CSMD1: variants seen among roughly 807,000 people sequenced by gnomAD.
CSMD1 encodes the protein CUB and Sushi multiple domains 1, also known as CUB and sushi domain-containing protein 1.
CSMD1 carries 213 observed loss-of-function variants against 417.5 expected under a neutral mutation model. That is an observed-to-expected ratio of 0.51 (90% confidence interval 0.46 to 0.57). The LOEUF (loss-of-function observed/expected upper bound fraction) is 0.57. Among genes scored for constraint, CSMD1 ranks in the 20% least tolerant of loss-of-function variants. CSMD1 has a pLI of 0.00. For synonymous variants in CSMD1, 2,862 were observed against 1,736.8 expected (o/e 1.65, Z -16.11); for missense variants, 6,923 against 4,529.7 (o/e 1.53, Z -15.17).
chr8:4,078,417 C>G (rs1306989465), intron 3 of CSMD1, among the ~76,000 whole-genome samples: 2 of 150,518 alleles, frequency 1.3e-5, no homozygotes, highest in African/African-American at 2.5e-5. Flanking sequence ...CGGGTTCACG[C>G]CATTCTCCTG....
rs542443462 is a variant in CSMD1 at position 4,849,387 on chromosome 8, T to A, written c.85+144945A>T. Among the ~76,000 whole-genome samples the A allele has an allele frequency of 7.9e-5, 12 of 152,116 alleles. No individual in the cohort carries two copies. In the South Asian group the frequency reaches 2.3e-3, roughly 29 times the overall value. On this transcript the variant is annotated intron_variant, in intron 1 of 69. Coordinates refer to ENST00000635120, the MANE Select transcript of CSMD1 (RefSeq NM_033225.6). ...GAAGTTAATTTTTTTCTTTATTCAA[T>A]AGAATAAAGAAAAAAATACTTTTTG...
chr8:3,719,719 A>C (rs577045433), intron 6 of CSMD1, among the ~76,000 whole-genome samples: 1 of 152,210 alleles, frequency 6.6e-6, no homozygotes, highest in Non-Finnish European at 1.5e-5. Context: ...CATACCAGCC[A>C]CATATTATGT....
chr8:4,981,529 C>T (rs1267025848), intron 1 of CSMD1, among the ~76,000 whole-genome samples: 1 of 152,224 alleles, frequency 6.6e-6, no homozygotes, highest in African/African-American at 2.4e-5. Context: ...GCACTGCTTT[C>T]AATCAATTAT....
At chr8:3,240,227 G>T (rs972265936) in intron 26 of CSMD1, among the ~76,000 whole-genome samples, 1 of 152,100 alleles carries the variant, frequency 6.6e-6, no homozygotes, top group East Asian at 1.9e-4. Context: ...TAATGAAAAA[G>T]GTTGGGATGA....
intron 26 of CSMD1, among the ~76,000 whole-genome samples, chr8:3,283,362 A>G (rs1449954261): frequency 6.6e-6 from 1 of 152,148 alleles, no homozygotes; most frequent in Non-Finnish European, 1.5e-5. Flanking sequence ...TAGGCTCTAC[A>G]TTTATGTAGA....
At chr8:4,339,960 G>A (rs369675217) in intron 3 of CSMD1, among the ~76,000 whole-genome samples, 7 of 152,054 alleles carry the variant, frequency 4.6e-5, no homozygotes, top group South Asian at 2.1e-4. Flanking sequence ...ATAAGTTGGA[G>A]GTTCAGTGAG....
chr8:3,420,827 G>C (rs892196028), intron 12 of CSMD1, among the ~76,000 whole-genome samples: 3 of 152,106 alleles, frequency 2.0e-5, no homozygotes, highest in African/African-American at 7.2e-5. Context: ...AACACATAAA[G>C]ATGGTACTTG....
intron 1 of CSMD1, among the ~76,000 whole-genome samples, chr8:4,726,253 C>T (rs982221216): frequency 5.9e-5 from 9 of 151,878 alleles, no homozygotes; most frequent in African/African-American, 2.2e-4. Flanking sequence ...TGTGTTTCTA[C>T]AGCCTTGCCC....
intron 2 of CSMD1, among the ~76,000 whole-genome samples, chr8:4,537,402 G>C (rs1797154122): frequency 6.6e-6 from 1 of 152,046 alleles, no homozygotes; most frequent in Non-Finnish European, 1.5e-5. Context: ...ATTGCATATA[G>C]CTTTTCTGTT....
In CSMD1 at chr8:3,794,996, GTATAGCTATAAATACATATCTATCATA is replaced by G. The variant is rs755623074; in HGVS notation, c.819-40981_819-40955del. ...CTATAGATATATATCTATCTATCAT[GTATAGCTATAAATACATATCTATCATA>G]TATAGCTATAGATACATATCTATCA... On this transcript the variant is annotated intron_variant, in intron 5 of 69. Transcript: ENST00000635120. 4.8e-4 allele frequency among the ~76,000 whole-genome samples: 61 copies of G among 127,358 alleles called. 9 individuals are homozygous for G. The highest frequency in any genetic ancestry group is 3.2e-3 in the South Asian group (12 of 3,702). The allele number at this position is 127,358 out of a possible 152,430, so 83.6% of individuals were successfully genotyped here.
intron 23 of CSMD1, among the ~76,000 whole-genome samples, chr8:3,319,609 A>G (rs1488678095): frequency 1.3e-5 from 2 of 152,352 alleles, no homozygotes; most frequent in East Asian, 3.9e-4. Context: ...TTTAAAAAGA[A>G]ACATGAGAGT....
chr8:3,899,609 A>AT (rs1807595689), intron 5 of CSMD1, among the ~76,000 whole-genome samples: 1 of 152,222 alleles, frequency 6.6e-6, no homozygotes, highest in South Asian at 2.1e-4. Context: ...TAGCTCCAAC[A>AT]TAAGTATGTA....
At chr8:3,923,907 C>A (rs1809457652) in intron 5 of CSMD1, among the ~76,000 whole-genome samples, 2 of 152,162 alleles carry the variant, frequency 1.3e-5, no homozygotes, top group African/African-American at 2.4e-5. Flanking sequence ...ATATATTGTC[C>A]TTTAAATTTC....
intron 5 of CSMD1, chr8:3,949,867 C>G (rs934932916): frequency 4.4e-6 from 2 of 455,290 alleles, no homozygotes; most frequent in African/African-American, 4.0e-5. Context: ...ACATGGCCTC[C>G]TCATTCAGCC....
rs188926004 is a variant in CSMD1 at position 3,933,218 on chromosome 8, G to C, written c.818+64685C>G. On this transcript the variant is annotated intron_variant, in intron 5 of 69. Coordinates refer to ENST00000635120, the MANE Select transcript of CSMD1 (RefSeq NM_033225.6). ...TTTTTCCAAAACAATTTCTTGTTAAGTAGAAAAGGAGAAGAAACAAGATTT... is the reference window on the plus strand; with the variant it reads ...TTTTTCCAAAACAATTTCTTGTTAACTAGAAAAGGAGAAGAAACAAGATTT... Among the ~76,000 whole-genome samples the C allele has an allele frequency of 1.1e-3, 145 of 135,810 alleles. 5 individuals carry two copies. Among genetic ancestry groups the C allele is most frequent in the African/African-American group, 3.7e-3 (135 of 36,368 alleles). 89.1% of individuals were successfully genotyped at this position (135,810 alleles called of 152,430 possible).
rs373437762 is a variant in CSMD1, at chr8:4,573,966, C to T, written c.302+63376G>A. Among the ~76,000 whole-genome samples, 12 of 152,262 alleles carry T rather than the reference C, an allele frequency of 7.9e-5. No homozygotes were observed. The East Asian group carries it at 1.7e-3, about 22-fold the overall frequency. On this transcript the variant is annotated intron_variant, in intron 2 of 69. Coordinates refer to ENST00000635120, the MANE Select transcript of CSMD1 (RefSeq NM_033225.6). ...TCAAGCCTCAGTAATGGCAGACATC[C>T]CTCTCTCCACCAAGCTCAAGTCTCC...
At chr8:4,486,509 T>C (rs1329931331) in intron 2 of CSMD1, among the ~76,000 whole-genome samples, 1 of 151,934 alleles carries the variant, frequency 6.6e-6, no homozygotes, top group African/African-American at 2.4e-5. Flanking sequence ...TAGTGATGTT[T>C]ATATTGTACA....
At chr8:4,253,199 T>C (rs936428181) in intron 3 of CSMD1, among the ~76,000 whole-genome samples, 5 of 152,172 alleles carry the variant, frequency 3.3e-5, no homozygotes, top group Non-Finnish European at 7.3e-5. Context: ...TCTTCTACGA[T>C]CCCGCCCCAT....
Position 4,004,173 on chromosome 8 carries a change from T to G in CSMD1, c.611-6063A>C, listed in dbSNP as rs532292709. On this transcript the variant is annotated intron_variant, in intron 4 of 69. Transcript: ENST00000635120. Reference sequence around the variant, plus strand: ...AGAAATATAAACATTTTAATATAATTGTGGTATTATAGTAATATAATTGTT... The same window carrying G: ...AGAAATATAAACATTTTAATATAATGGTGGTATTATAGTAATATAATTGTT... Among the ~76,000 whole-genome samples, 3 of 152,068 alleles carry G rather than the reference T, an allele frequency of 2.0e-5. 1 individual carries two copies. The South Asian group carries it at 6.2e-4, about 31-fold the overall frequency.
Sources: allele counts gnomAD v4.1 joint callset (sites outside exome capture counted in the v4.1 genomes callset), GRCh38; gene constraint gnomAD v4.1.1; transcripts MANE v1.5; gene names NCBI Gene and HGNC (gene_info 2026-07-23, HGNC 2026-07-21).